Variants in HEATR5B observed in about 807,000 individuals in gnomAD.
HEATR5B encodes the protein HEAT repeat containing 5B.
A neutral mutation model predicts 224.1 loss-of-function variants in HEATR5B; 156 were observed. The ratio of observed to expected loss-of-function variants is 0.70; its 90% confidence interval spans 0.61 to 0.80. The LOEUF (loss-of-function observed/expected upper bound fraction) is 0.80. Ranked by LOEUF, HEATR5B falls within the 30% of genes least tolerant of loss-of-function variation. The pLI, the probability that HEATR5B is intolerant of heterozygous loss-of-function variation, is 0.00. For missense variants in HEATR5B, 2,323 were observed against 2,535.5 expected (o/e 0.92, Z 1.80); for synonymous variants, 1,027 against 893.0 (o/e 1.15, Z -2.68).
At chr2:37,072,332 G>A (rs1479850046) in intron 5 of HEATR5B, 51 bp from the exon 6 acceptor site, 5 of 1,324,374 alleles carry the variant, frequency 3.8e-6, no homozygotes, top group African/African-American at 2.9e-5. Context: ...TCTGCTTCCA[G>A]AGATGGAATA....
At position 37,020,648 on chromosome 2, in the gene HEATR5B, A is replaced by C; in HGVS notation, c.4035+7T>G. On this transcript the variant is annotated splice_region_variant and intron_variant, in intron 25 of 35. Transcript: ENST00000233099. ...TTTTAAGTTCTTAAATAAATAGAAAATCTCACATTAGCCTGATACTGCTCC... is the reference window on the plus strand; with the variant it reads ...TTTTAAGTTCTTAAATAAATAGAAACTCTCACATTAGCCTGATACTGCTCC... 6.6e-7 allele frequency: 1 copy of C among 1,521,034 alleles called. No individual in the cohort carries two copies. The highest frequency in any genetic ancestry group is 8.8e-7 in the Non-Finnish European group (1 of 1,139,178). 94.2% of individuals were successfully genotyped at this position (1,521,034 alleles called of 1,614,324 possible).
At chr2:37,009,132 C>G (rs1462141439) in intron 27 of HEATR5B, among the ~76,000 whole-genome samples, 2 of 151,650 alleles carry the variant, frequency 1.3e-5, no homozygotes, top group Non-Finnish European at 1.5e-5. Context: ...GTGGCAGGCA[C>G]CTGTAGTCCT....
chr2:37,051,283 G>A (rs1269879491), intron 17 of HEATR5B, among the ~76,000 whole-genome samples: 1 of 144,164 alleles, frequency 6.9e-6, no homozygotes, highest in Non-Finnish European at 1.5e-5. Context: ...TTGAACCTGG[G>A]AGGTGGAAGT....
chr2:37,060,808 C>A lies in HEATR5B; in HGVS notation c.1697-75G>T. The A allele has an allele frequency of 3.3e-6, 4 of 1,211,190 alleles. No individual in the cohort carries two copies. The South Asian group carries it at 4.8e-5, about 15-fold the overall frequency. 75.0% of individuals were successfully genotyped at this position (1,211,190 alleles called of 1,614,324 possible). ...CAAACAAGTGTCAAGCAAAATGAGC[C>A]CAACACAAACTTTATGTAATTTTAG... On this transcript the variant is annotated intron_variant, in intron 11 of 35. Coordinates refer to ENST00000233099, the MANE Select transcript of HEATR5B (RefSeq NM_019024.3).
At chr2:37,047,702 G>C (rs1678023874) in intron 18 of HEATR5B, among the ~76,000 whole-genome samples, 1 of 152,250 alleles carries the variant, frequency 6.6e-6, no homozygotes, top group Admixed American at 6.5e-5. Flanking sequence ...TGCTAAGTTA[G>C]TATAAGATTT....
At chr2:37,075,436 A>C (rs1272319476) in intron 5 of HEATR5B, 49 bp downstream of exon 5, 1 of 1,460,600 alleles carries the variant, frequency 6.8e-7, no homozygotes, top group East Asian at 2.4e-5. Flanking sequence ...TTGACTGTTT[A>C]AGAGCAAGAA....
At chr2:37,003,753 A>T in intron 30 of HEATR5B, 67 bp from the exon 31 acceptor site, 9 of 1,075,410 alleles carry the variant, frequency 8.4e-6, no homozygotes, top group Non-Finnish European at 1.1e-5. Flanking sequence ...ATATTGTTAA[A>T]ATCTGAGAAA....
At chr2:36,992,337 T>G (rs1248097071) in intron 33 of HEATR5B, among the ~76,000 whole-genome samples, 2 of 151,988 alleles carry the variant, frequency 1.3e-5, no homozygotes, top group East Asian at 3.8e-4. Flanking sequence ...TCCCAGCACT[T>G]TGGGAAACTG....
intron 15 of HEATR5B, 72 bp from the exon 16 acceptor site, chr2:37,056,687 G>T: frequency 1.6e-6 from 2 of 1,283,520 alleles, no homozygotes; most frequent in Admixed American, 2.4e-5. Context: ...TTGGGAATGA[G>T]GATTACAGCA....
In HEATR5B at chr2:37,056,480, G is replaced by C. The variant is rs758188924; in HGVS notation, c.2359C>G (p.Leu787Val). 1 of 1,611,454 alleles carries C rather than the reference G, an allele frequency of 6.2e-7. No homozygotes were observed. The change falls in exon 16 of 36, where the codon CTT becomes GTT. Residue 787 changes from leucine to valine, a missense_variant. Leu to Val is a conservative substitution (Grantham distance 32). Coordinates refer to ENST00000233099, the MANE Select transcript of HEATR5B (RefSeq NM_019024.3). Reference protein sequence around the residue: ...GVSVIDASVALFGVVFPHVSY... With the variant: ...GVSVIDASVAVFGVVFPHVSY... ...ACATGAGGAAACACTACACCAAAAAGGGCCACAGAAGCATCAATGACTGAG... is the reference window on the plus strand; with the variant it reads ...ACATGAGGAAACACTACACCAAAAACGGCCACAGAAGCATCAATGACTGAG...
chr2:37,043,595 G>T (rs1216850604), intron 18 of HEATR5B, among the ~76,000 whole-genome samples: 1 of 138,260 alleles, frequency 7.2e-6, no homozygotes, highest in Non-Finnish European at 1.6e-5. Context: ...CTTTTTTGTT[G>T]TTGTTGTTTC....
At chr2:37,022,745 T>C (rs894877027) in intron 24 of HEATR5B, among the ~76,000 whole-genome samples, 3 of 151,980 alleles carry the variant, frequency 2.0e-5, no homozygotes, top group African/African-American at 7.3e-5. Flanking sequence ...AGCCCTAGAG[T>C]AAAAGTTGTC....
intron 35 of HEATR5B, among the ~76,000 whole-genome samples, chr2:36,987,036 A>G (rs535224364): frequency 6.6e-6 from 1 of 152,276 alleles, no homozygotes; most frequent in South Asian, 2.1e-4. Context: ...TACAGGCATG[A>G]GCCACTGCGC....
chr2:37,067,626 G>A lies in HEATR5B; in HGVS notation c.1177+1055C>T, dbSNP rs151146738. Among the ~76,000 whole-genome samples, 136 of 152,200 alleles carry A rather than the reference G, an allele frequency of 8.9e-4. 3 individuals carry two copies. In the East Asian group the frequency reaches 0.023, roughly 25 times the overall value. On this transcript the variant is annotated intron_variant, in intron 8 of 35. Transcript: ENST00000233099. Reference sequence around the variant, plus strand: ...TCTACTAAAAATACAAAAATTAGCAGGGTGTGTGGTGGCACACGCCTGTAA... The same window carrying A: ...TCTACTAAAAATACAAAAATTAGCAAGGTGTGTGGTGGCACACGCCTGTAA...
At chr2:37,048,859 C>T (rs993136059) in intron 18 of HEATR5B, among the ~76,000 whole-genome samples, 1 of 152,106 alleles carries the variant, frequency 6.6e-6, no homozygotes, top group African/African-American at 2.4e-5. Context: ...TACAGATAGG[C>T]AATAATTCAG....
intron 4 of HEATR5B, chr2:37,075,885 T>C (rs1190768031): frequency 3.9e-6 from 1 of 254,426 alleles, no homozygotes. Flanking sequence ...ATTACTGAAG[T>C]ACATACAATA....
chr2:37,074,924 GTGA>G (rs1233316149), intron 5 of HEATR5B, among the ~76,000 whole-genome samples: 1 of 152,204 alleles, frequency 6.6e-6, no homozygotes, highest in Admixed American at 6.5e-5. Flanking sequence ...ACAAACAATG[GTGA>G]TGATATGAAG....
At chr2:37,062,310 G>T (rs1671331698) in intron 10 of HEATR5B, among the ~76,000 whole-genome samples, 1 of 152,038 alleles carries the variant, frequency 6.6e-6, no homozygotes, top group South Asian at 2.1e-4. Flanking sequence ...GGCACCTGTA[G>T]TCCCAGCTAT....
chr2:37,084,252 T>C lies in HEATR5B; in HGVS notation c.-23+17A>G, dbSNP rs1375020011. The C allele has an allele frequency of 5.2e-6, 2 of 385,744 alleles. No individual in the cohort carries two copies. Among genetic ancestry groups the C allele is most frequent in the African/African-American group, 2.1e-5 (1 of 48,384 alleles). 23.9% of individuals were successfully genotyped at this position (385,744 alleles called of 1,614,324 possible). On this transcript the variant is annotated intron_variant, in intron 1 of 35. Transcript: ENST00000233099. ...AGGAGTCCGTGCGTGTCAACATGCA[T>C]GCTTCGGCGACCTCACCTCGTAGTC...
Sources: allele counts gnomAD v4.1 joint callset (sites outside exome capture counted in the v4.1 genomes callset), GRCh38; gene constraint gnomAD v4.1.1; transcripts MANE v1.5; gene names NCBI Gene and HGNC (gene_info 2026-07-23, HGNC 2026-07-21).